MALRD1: variants seen among roughly 807,000 people sequenced by gnomAD.
MALRD1 encodes MAM and LDL-receptor class A domain-containing protein 1.
In MALRD1, 247 loss-of-function variants were observed where a neutral mutation model predicts 242.1. The observed-to-expected ratio is 1.02, with a 90% CI of 0.92 to 1.13. The LOEUF (loss-of-function observed/expected upper bound fraction) is 1.13. MALRD1 is among the 50% of genes most tolerant of loss of function. The pLI, the probability that MALRD1 is intolerant of heterozygous loss-of-function variation, is 0.00. For synonymous variants in MALRD1, 995 were observed against 866.6 expected, an observed-to-expected ratio of 1.15 and a Z score of -2.60; for missense variants, 2,989 against 2,533.1, an observed-to-expected ratio of 1.18 and a Z score of -3.86.
Position 19,048,927 on chromosome 10 carries a change from C to T in MALRD1, c.-12C>T, listed in dbSNP as rs992030998. The T allele has an allele frequency of 1.6e-6, 2 of 1,232,900 alleles. No homozygotes were observed. The highest frequency in any genetic ancestry group is 2.0e-6 in the Non-Finnish European group (2 of 987,216). 76.4% of individuals were successfully genotyped at this position (1,232,900 alleles called of 1,614,324 possible). On this transcript the variant is annotated 5_prime_UTR_variant, in exon 1 of 40. Coordinates refer to ENST00000454679, the MANE Select transcript of MALRD1 (RefSeq NM_001142308.3). ...TTACAACTGCTTGATCTCTAATAGA[C>T]AATACCAAGTAATGCTCTTCTTCCT...
chr10:19,474,677 T>C (rs1836648476), intron 29 of MALRD1, among the ~76,000 whole-genome samples: 1 of 152,028 alleles, frequency 6.6e-6, no homozygotes, highest in African/African-American at 2.4e-5. Context: ...AAGTATTATT[T>C]ATGTTTTCTC....
chr10:19,489,838 C>A (rs183139846), intron 29 of MALRD1, among the ~76,000 whole-genome samples: 162 of 152,320 alleles, frequency 1.1e-3, no homozygotes, highest in African/African-American at 3.8e-3. Context: ...GAAAACTACT[C>A]CTTGATCGTG....
At chr10:19,620,753 C>G (rs1267690995) in intron 36 of MALRD1, among the ~76,000 whole-genome samples, 1 of 151,668 alleles carries the variant, frequency 6.6e-6, no homozygotes, top group Middle Eastern at 3.2e-3. Flanking sequence ...TATGTGCTCA[C>G]AAAATAAATG....
intron 32 of MALRD1, among the ~76,000 whole-genome samples, chr10:19,558,645 T>C (rs1046699204): frequency 3.9e-5 from 6 of 152,196 alleles, no homozygotes; most frequent in African/African-American, 1.4e-4. Flanking sequence ...CTAATACTTT[T>C]TGAGAATTTT....
At chr10:19,332,464 T>G (rs375362277) in intron 24 of MALRD1, among the ~76,000 whole-genome samples, 1 of 152,288 alleles carries the variant, frequency 6.6e-6, no homozygotes, top group African/African-American at 2.4e-5. Flanking sequence ...ATGCACCATA[T>G]GTACTCAATC....
At chr10:19,546,755 C>G (rs1157616439) in intron 32 of MALRD1, among the ~76,000 whole-genome samples, 1 of 152,138 alleles carries the variant, frequency 6.6e-6, no homozygotes, top group East Asian at 1.9e-4. Context: ...CCAAAAAGTC[C>G]TAACTATTTC....
At chr10:19,492,876 C>T (rs1010514725) in intron 30 of MALRD1, among the ~76,000 whole-genome samples, 1 of 152,144 alleles carries the variant, frequency 6.6e-6, no homozygotes, top group African/African-American at 2.4e-5. Flanking sequence ...AGCATATTTA[C>T]ATTTTTATTG....
intron 11 of MALRD1, among the ~76,000 whole-genome samples, chr10:19,148,788 A>AAAAAATATATATATATATATATATAT (rs1206724666): frequency 4.5e-5 from 4 of 88,012 alleles, no homozygotes; most frequent in African/African-American, 1.6e-4. Flanking sequence ...AAAAAAAAAA[A>AAAAAATATATATATATATATATATAT]ATATATATAT....
At chr10:19,423,249 T>C (rs1564327045) in intron 28 of MALRD1, among the ~76,000 whole-genome samples, 2 of 152,184 alleles carry the variant, frequency 1.3e-5, no homozygotes, top group South Asian at 4.2e-4. Context: ...CATGGCAAAA[T>C]GCAATCCTGT....
rs551276854 is a variant in MALRD1, at chr10:19,644,239, A to G, written c.6137+28316A>G. On this transcript the variant is annotated intron_variant, in intron 36 of 39. Transcript: ENST00000454679. ...GATGTTAAGAAGGGAGAAGATTCAA[A>G]GGCAATGCTTTATAGGTTTGTAGGT... is the stretch of plus-strand genomic sequence containing the variant. Among the ~76,000 whole-genome samples, 4 of 152,304 alleles carry G rather than the reference A, an allele frequency of 2.6e-5. 1 individual carries two copies. In the South Asian group the frequency reaches 8.3e-4, roughly 32 times the overall value.
chr10:19,472,326 A>G (rs1301279189), intron 29 of MALRD1, among the ~76,000 whole-genome samples: 1 of 151,966 alleles, frequency 6.6e-6, no homozygotes, highest in Non-Finnish European at 1.5e-5. Flanking sequence ...AGGATTTTGC[A>G]TGGATGTTTA....
chr10:19,409,003 T>C (rs1833157484), intron 28 of MALRD1, among the ~76,000 whole-genome samples: 1 of 152,238 alleles, frequency 6.6e-6, no homozygotes. Flanking sequence ...CAGATGTTTA[T>C]AACAGCATTC....
At chr10:19,618,893 T>C (rs1349514191) in intron 36 of MALRD1, among the ~76,000 whole-genome samples, 3 of 152,034 alleles carry the variant, frequency 2.0e-5, no homozygotes, top group African/African-American at 4.8e-5. Flanking sequence ...TGTCTAAATA[T>C]TGGGACGTTA....
Position 19,537,506 on chromosome 10 carries a change from T to G in MALRD1, c.5478+6155T>G, listed in dbSNP as rs200348534. On this transcript the variant is annotated intron_variant, in intron 32 of 39. Coordinates refer to ENST00000454679, the MANE Select transcript of MALRD1 (RefSeq NM_001142308.3). ...GAGAGCGCTCTTCTCTCTCTCCTTT[T>G]TCTTCTCCCTCCTCTTTCTCCAGAT... Among the ~76,000 whole-genome samples the G allele has an allele frequency of 2.6e-5, 4 of 152,190 alleles. No individual in the cohort carries two copies. The South Asian group carries it at 8.3e-4, about 32-fold the overall frequency.
chr10:19,148,753 T>C (rs1194614076), intron 11 of MALRD1, among the ~76,000 whole-genome samples: 1 of 129,868 alleles, frequency 7.7e-6, no homozygotes, highest in Non-Finnish European at 1.6e-5. Context: ...GCAGTCTTTC[T>C]CATTTTAGAA....
chr10:19,726,755 T>G (rs959080496), intron 38 of MALRD1, among the ~76,000 whole-genome samples: 1 of 152,230 alleles, frequency 6.6e-6, no homozygotes, highest in African/African-American at 2.4e-5. Context: ...CAAGGGAATA[T>G]TATTCAGCAA....
intron 32 of MALRD1, among the ~76,000 whole-genome samples, chr10:19,536,342 TTTC>T (rs1217369983): frequency 1.2e-5 from 1 of 82,448 alleles, no homozygotes. Flanking sequence ...AAAAATTTTT[TTTC>T]TTTTCTTTTT....
At chr10:19,480,877 G>C (rs897021945) in intron 29 of MALRD1, among the ~76,000 whole-genome samples, 1 of 152,010 alleles carries the variant, frequency 6.6e-6, no homozygotes, top group Non-Finnish European at 1.5e-5. Flanking sequence ...GTAAACCAGT[G>C]ATTTGAAGTA....
intron 14 of MALRD1, among the ~76,000 whole-genome samples, chr10:19,200,616 G>A (rs1356429394): frequency 7.0e-6 from 1 of 143,676 alleles, no homozygotes; most frequent in Non-Finnish European, 1.5e-5. Flanking sequence ...TCTGATTCTG[G>A]GCTTTTTTTT....
Sources: allele counts gnomAD v4.1 joint callset (sites outside exome capture counted in the v4.1 genomes callset), GRCh38; gene constraint gnomAD v4.1.1; transcripts MANE v1.5; gene names NCBI Gene and HGNC (gene_info 2026-07-23, HGNC 2026-07-21).